Variants in CLEC16A observed in about 807,000 individuals in gnomAD.
The protein encoded by CLEC16A is C-type lectin domain containing 16A.
A neutral mutation model predicts 109.5 loss-of-function variants in CLEC16A; 51 were observed. That is an observed-to-expected ratio of 0.47 (90% CI 0.37 to 0.59). The LOEUF (loss-of-function observed/expected upper bound fraction) is 0.59. Ranked by LOEUF, CLEC16A falls within the 20% of genes least tolerant of loss-of-function variation. The pLI is 0.00. For synonymous variants in CLEC16A, 673 were observed against 564.2 expected, an observed-to-expected ratio of 1.19 and a Z score of -2.73; for missense variants, 1,339 against 1,394.0, an observed-to-expected ratio of 0.96 and a Z score of 0.63.
At chr16:11,177,285 A>T (rs990653942) in intron 23 of CLEC16A, among the ~76,000 whole-genome samples, 11 of 152,206 alleles carry the variant, frequency 7.2e-5, no homozygotes, top group African/African-American at 2.7e-4. Context: ...TGGAAGGCAA[A>T]TGGGCCAGCA....
chr16:11,084,203 C>T (rs113683429), intron 19 of CLEC16A, among the ~76,000 whole-genome samples: 329 of 152,230 alleles, frequency 2.2e-3, no homozygotes, highest in African/African-American at 7.4e-3. Context: ...CCATGGTCCC[C>T]TGTGTTTGGC....
chr16:11,024,804 C>T lies in CLEC16A; in HGVS notation c.1437-17C>T. 1.3e-6 allele frequency: 2 copies of T among 1,559,206 alleles called. No individual in the cohort carries two copies. Among genetic ancestry groups the T allele is most frequent in the South Asian group, 2.3e-5 (2 of 85,568 alleles). On this transcript the variant is annotated splice_polypyrimidine_tract_variant and intron_variant, in intron 12 of 23. Transcript: ENST00000409790. Reference sequence around the variant, plus strand: ...TTGTGCACCGTGAGGCTCATACATGCCCCTCCTCTTTTCCAGACCCTTCCT... The same window carrying T: ...TTGTGCACCGTGAGGCTCATACATGTCCCTCCTCTTTTCCAGACCCTTCCT...
intron 10 of CLEC16A, among the ~76,000 whole-genome samples, chr16:10,995,568 G>C (rs192444371): frequency 6.6e-6 from 1 of 152,168 alleles, no homozygotes; most frequent in Non-Finnish European, 1.5e-5. Flanking sequence ...TTCCATCCTC[G>C]TGATCTATTT....
chr16:11,111,361 G>C (rs375214558), intron 19 of CLEC16A, among the ~76,000 whole-genome samples: 24 of 152,080 alleles, frequency 1.6e-4, no homozygotes, highest in African/African-American at 5.1e-4. Flanking sequence ...TCTCTCTGTG[G>C]GTGTCTCCAT....
chr16:11,173,674 A>G (rs2068619918), intron 23 of CLEC16A, among the ~76,000 whole-genome samples: 1 of 151,774 alleles, frequency 6.6e-6, no homozygotes, highest in South Asian at 2.1e-4. Context: ...TGCTTGATTC[A>G]CTTAGCTGGT....
In CLEC16A at chr16:11,174,353, C is replaced by G. The variant is rs546413553; in HGVS notation, c.2807-3982C>G. On this transcript the variant is annotated intron_variant, in intron 23 of 23. Transcript: ENST00000409790. This position sits in a 1 kb window ranked among gnomAD's most constrained non-coding sequence, Gnocchi z 4.7. Reference sequence around the variant, plus strand: ...GCATTTCCACAGTCGGCAGGGTCCGCGCTGGCAAGGTGGGCCAAGCTGGGC... The same window carrying G: ...GCATTTCCACAGTCGGCAGGGTCCGGGCTGGCAAGGTGGGCCAAGCTGGGC... 1 of 399,734 alleles carries G rather than the reference C, an allele frequency of 2.5e-6. No homozygotes were observed. The highest frequency in any genetic ancestry group is 5.2e-6 in the Non-Finnish European group (1 of 192,296). The allele number at this position is 399,734 out of a possible 1,614,324, so 24.8% of individuals were successfully genotyped here.
At position 11,181,269 on chromosome 16, in the gene CLEC16A, G is replaced by A. The variant is rs1321346501; in HGVS notation, c.*2579G>A. 6.6e-6 allele frequency: 1 copy of A among 152,310 alleles called. No homozygotes were observed. Among genetic ancestry groups the A allele is most frequent in the African/African-American group, 2.4e-5 (1 of 41,458 alleles). 9.4% of individuals were successfully genotyped at this position (152,310 alleles called of 1,614,324 possible). A position where few individuals can be genotyped will look rare whatever the true frequency, so the allele number is the denominator to read the frequency against. ...GGGCGCTCCCAGACAGGCCAGTCCA[G>A]ACAGGACACGCTGGGCCCCTGGCAT... On this transcript the variant is annotated 3_prime_UTR_variant, in exon 24 of 24. Coordinates refer to ENST00000409790, the MANE Select transcript of CLEC16A (RefSeq NM_015226.3).
At chr16:11,101,561 C>T (rs2152985185) in intron 19 of CLEC16A, among the ~76,000 whole-genome samples, 2 of 152,334 alleles carry the variant, frequency 1.3e-5, no homozygotes, top group South Asian at 4.1e-4. Flanking sequence ...TTTATCTTGT[C>T]TCTCCAACAC....
intron 19 of CLEC16A, among the ~76,000 whole-genome samples, chr16:11,089,389 A>T (rs2050182806): frequency 6.6e-6 from 1 of 152,180 alleles, no homozygotes; most frequent in Non-Finnish European, 1.5e-5. Flanking sequence ...CCTTGTTGAT[A>T]TGCATTGGCT....
chr16:11,074,230 A>G (rs2049227559), intron 19 of CLEC16A, among the ~76,000 whole-genome samples: 1 of 152,204 alleles, frequency 6.6e-6, no homozygotes, highest in Admixed American at 6.5e-5. Context: ...AAAAAAATCA[A>G]GTTTCAGTTA....
chr16:10,976,850 T>C (rs75135733), intron 7 of CLEC16A, among the ~76,000 whole-genome samples: 43 of 152,360 alleles, frequency 2.8e-4, no homozygotes, highest in Non-Finnish European at 5.3e-4. Flanking sequence ...CCTGCTTTTC[T>C]CTTTAGAACT....
intron 19 of CLEC16A, among the ~76,000 whole-genome samples, chr16:11,084,843 G>C (rs2049924141): frequency 6.6e-6 from 1 of 152,200 alleles, no homozygotes; most frequent in African/African-American, 2.4e-5. Flanking sequence ...GGAGAAAGAG[G>C]TAGCCGGGGC....
At chr16:11,033,714 C>T (rs1169943595) in intron 13 of CLEC16A, among the ~76,000 whole-genome samples, 7 of 152,124 alleles carry the variant, frequency 4.6e-5, no homozygotes, top group Non-Finnish European at 7.4e-5. Flanking sequence ...ATAAAAGCCA[C>T]GTTCATAAAA....
intron 11 of CLEC16A, among the ~76,000 whole-genome samples, chr16:11,009,762 T>G (rs1195888222): frequency 2.6e-5 from 4 of 152,208 alleles, no homozygotes; most frequent in Non-Finnish European, 5.9e-5. Context: ...CCTTGGTACT[T>G]CAGTTTCCCC....
chr16:11,089,194 T>C (rs1331596893), intron 19 of CLEC16A, among the ~76,000 whole-genome samples: 1 of 152,330 alleles, frequency 6.6e-6, no homozygotes, highest in East Asian at 1.9e-4. Context: ...ACTAAATTTT[T>C]ACTAAATGAA....
At chr16:11,083,908 T>G (rs547634348) in intron 19 of CLEC16A, among the ~76,000 whole-genome samples, 1 of 152,284 alleles carries the variant, frequency 6.6e-6, no homozygotes, top group African/African-American at 2.4e-5. Flanking sequence ...CTACCCGGAA[T>G]GGAAACCAGC....
At chr16:11,173,007 G>C (rs1259888694) in intron 23 of CLEC16A, among the ~76,000 whole-genome samples, 2 of 152,134 alleles carry the variant, frequency 1.3e-5, no homozygotes, top group African/African-American at 4.8e-5. Flanking sequence ...AGTGCAGGGA[G>C]CTTCCCCGGC....
At chr16:11,116,019 T>C (rs2051961550) in intron 19 of CLEC16A, among the ~76,000 whole-genome samples, 1 of 152,064 alleles carries the variant, frequency 6.6e-6, no homozygotes, top group African/African-American at 2.4e-5. Context: ...CCCTAAAATA[T>C]GTTTTTTAAA....
intron 3 of CLEC16A, 73 bp downstream of exon 3, chr16:10,962,661 G>C (rs111585431): frequency 6.5e-7 from 1 of 1,528,970 alleles, no homozygotes; most frequent in African/African-American, 1.4e-5. Context: ...GTGGTTTTCT[G>C]TGTCTGCGCT....
Sources: gnomAD v4.1 joint callset for allele counts (sites outside exome capture counted in the v4.1 genomes callset) on GRCh38, gnomAD v4.1.1 for gene constraint, Gnocchi (gnomAD v3.1) non-coding constraint, MANE v1.5 for transcripts, NCBI Gene and HGNC (gene_info 2026-07-23, HGNC 2026-07-21) for gene names.